The following SGCD variants were observed in gnomAD, a reference collection of about 807,000 sequenced individuals.
The protein encoded by SGCD is delta-sarcoglycan.
A neutral mutation model predicts 36.6 loss-of-function variants in SGCD; 18 were observed. That is an observed-to-expected ratio of 0.49 (90% confidence interval 0.34 to 0.73). SGCD has a LOEUF of 0.73. Ranked by LOEUF, SGCD falls within the 30% of genes least tolerant of loss-of-function variation. The pLI is 0.01. For missense variants in SGCD, 387 were observed against 346.7 expected, an observed-to-expected ratio of 1.12 and a Z score of -0.92; for synonymous variants, 133 against 130.6, an observed-to-expected ratio of 1.02 and a Z score of -0.12.
chr5:156,048,757 T>C, intron 1 of SGCD, among the ~76,000 whole-genome samples: 1 of 152,220 alleles, frequency 6.6e-6, no homozygotes, highest in Non-Finnish European at 1.5e-5. Flanking sequence ...GCAAAATTTT[T>C]CTCCCATTCT....
At chr5:155,783,185 T>A in the SGCD span, among the ~76,000 whole-genome samples, 2 of 152,216 alleles carry the variant, frequency 1.3e-5, no homozygotes, top group Non-Finnish European at 2.9e-5. Flanking sequence ...GTGCTATATG[T>A]ACAGAAGAGA....
At chr5:156,435,051 A>C (rs1488444362) in intron 3 of SGCD, among the ~76,000 whole-genome samples, 1 of 152,228 alleles carries the variant, frequency 6.6e-6, no homozygotes, top group Non-Finnish European at 1.5e-5. Flanking sequence ...GATCATCTGC[A>C]GAGCAATGTA....
chr5:155,764,704 A>G, the SGCD span, among the ~76,000 whole-genome samples: 1 of 152,144 alleles, frequency 6.6e-6, no homozygotes, highest in Non-Finnish European at 1.5e-5. Flanking sequence ...TACTCCATTC[A>G]TGGGGACAGT....
chr5:156,758,490 G>T (rs1336359114), intron 8 of SGCD, among the ~76,000 whole-genome samples: 3 of 151,624 alleles, frequency 2.0e-5, no homozygotes, highest in Non-Finnish European at 4.4e-5. Context: ...GGATATAAAA[G>T]TCCCCCTTTT....
intron 6 of SGCD, among the ~76,000 whole-genome samples, chr5:156,629,273 C>T (rs934773703): frequency 3.3e-5 from 5 of 152,106 alleles, no homozygotes; most frequent in South Asian, 2.1e-4. Context: ...CATGTCAACA[C>T]GCACAGACTT....
the SGCD span, among the ~76,000 whole-genome samples, chr5:155,844,421 T>TTGTGTGTGTGTGTGTGTGTG: frequency 3.4e-3 from 490 of 144,556 alleles, 1 homozygote; most frequent in South Asian, 5.7e-3. Flanking sequence ...TGCTAAGGCT[T>TTGTGTGTGTGTGTGTGTGTG]TGTGTGTGTG....
At chr5:156,346,211 TA>T (rs11307716) in intron 3 of SGCD, among the ~76,000 whole-genome samples, 20,799 of 152,020 alleles carry the variant, frequency 0.14, 1,711 homozygotes, top group African/African-American at 0.23. Context: ...CAGGAAACCA[TA>T]AAAACAAAAA....
intron 3 of SGCD, among the ~76,000 whole-genome samples, chr5:156,346,589 C>T (rs1395069333): frequency 6.6e-6 from 1 of 152,100 alleles, no homozygotes; most frequent in Non-Finnish European, 1.5e-5. Flanking sequence ...CATGAGACAT[C>T]ACATCCAGCT....
At chr5:156,122,864 AAAAAAAAAAAAAAAAAAAAAG>A (rs1762079465) in intron 2 of SGCD, among the ~76,000 whole-genome samples, 1 of 85,472 alleles carries the variant, frequency 1.2e-5, no homozygotes, top group African/African-American at 4.0e-5. Context: ...AAAAAAAAAA[AAAAAAAAAAAAAAAAAAAAAG>A]GTCAGCTGCT....
chr5:156,116,615 G>T (rs1581108084), intron 1 of SGCD, among the ~76,000 whole-genome samples: 1 of 152,218 alleles, frequency 6.6e-6, no homozygotes, highest in South Asian at 2.1e-4. Context: ...TCAGGTCTCA[G>T]CAGGAAAAAG....
intron 2 of SGCD, among the ~76,000 whole-genome samples, chr5:156,340,590 C>T (rs902075411): frequency 6.6e-6 from 1 of 152,128 alleles, no homozygotes; most frequent in Non-Finnish European, 1.5e-5. Context: ...AGAGCTAACA[C>T]GAGGGGAAGT....
intron 3 of SGCD, among the ~76,000 whole-genome samples, chr5:156,473,137 C>T (rs575939301): frequency 2.0e-5 from 3 of 152,232 alleles, no homozygotes; most frequent in South Asian, 2.1e-4. Context: ...CTATTTCAGC[C>T]GTTTGCCTCT....
intron 1 of SGCD, among the ~76,000 whole-genome samples, chr5:155,977,912 G>C (rs1255793365): frequency 6.6e-6 from 1 of 152,066 alleles, no homozygotes; most frequent in African/African-American, 2.4e-5. Context: ...TAGCTAACAT[G>C]GTGAAACCCG....
intron 3 of SGCD, among the ~76,000 whole-genome samples, chr5:156,411,556 G>A (rs759484078): frequency 2.6e-5 from 4 of 152,198 alleles, no homozygotes; most frequent in Non-Finnish European, 4.4e-5. Flanking sequence ...TATGCTTTGC[G>A]ATCTTTGGCA....
At chr5:155,847,555 T>C in the SGCD span, among the ~76,000 whole-genome samples, 1 of 152,176 alleles carries the variant, frequency 6.6e-6, no homozygotes, top group Non-Finnish European at 1.5e-5. Context: ...GAGTGTAATA[T>C]AAATAATGGC....
At chr5:156,355,817 A>T (rs1769465208) in intron 3 of SGCD, among the ~76,000 whole-genome samples, 1 of 152,144 alleles carries the variant, frequency 6.6e-6, no homozygotes. Context: ...TTGTATTTTT[A>T]ATAGGGATGG....
chr5:155,793,735 G>A, the SGCD span, among the ~76,000 whole-genome samples: 1 of 151,734 alleles, frequency 6.6e-6, no homozygotes, highest in Non-Finnish European at 1.5e-5. Context: ...TTTTAGTAGA[G>A]ACAGGGATTC....
At chr5:155,964,361 T>C (rs1581015301) in intron 1 of SGCD, among the ~76,000 whole-genome samples, 1 of 151,966 alleles carries the variant, frequency 6.6e-6, no homozygotes, top group South Asian at 2.1e-4. Flanking sequence ...TTTTTTTGAG[T>C]TGGAGTCTCA....
chr5:156,517,283 G>A (rs1757217154), intron 4 of SGCD, among the ~76,000 whole-genome samples: 2 of 152,052 alleles, frequency 1.3e-5, no homozygotes, highest in African/African-American at 4.8e-5. Flanking sequence ...AGGTACACAA[G>A]ATTAGAGAAA....
Sources: allele counts gnomAD v4.1 joint callset (sites outside exome capture counted in the v4.1 genomes callset), GRCh38; gene constraint gnomAD v4.1.1; transcripts MANE v1.5; gene names NCBI Gene and HGNC (gene_info 2026-07-23, HGNC 2026-07-21).